The following OTOP1 variants were observed in gnomAD, a reference collection of about 807,000 sequenced individuals.
The protein encoded by OTOP1 is otopetrin 1.
A neutral mutation model predicts 52.9 loss-of-function variants in OTOP1; 59 were observed. That is an observed-to-expected ratio of 1.12 (90% confidence interval 0.91 to 1.39). The LOEUF is 1.39. Ranked by LOEUF, OTOP1 falls within the 40% of genes most tolerant of loss-of-function variation. The pLI, the probability that OTOP1 is intolerant of heterozygous loss-of-function variation, is 0.00. For missense variants in OTOP1, 761 were observed against 800.9 expected, an observed-to-expected ratio of 0.95 and a Z score of 0.60; for synonymous variants, 317 against 337.7, an observed-to-expected ratio of 0.94 and a Z score of 0.67.
At chr4:4,225,917 G>T (rs1237488904) in intron 1 of OTOP1, among the ~76,000 whole-genome samples, 1 of 152,198 alleles carries the variant, frequency 6.6e-6, no homozygotes, top group East Asian at 1.9e-4. Flanking sequence ...GGGGAGAATG[G>T]GGTGAGGCCT....
At chr4:4,223,654 C>T (rs1258467803) in intron 1 of OTOP1, among the ~76,000 whole-genome samples, 1 of 152,110 alleles carries the variant, frequency 6.6e-6, no homozygotes, top group African/African-American at 2.4e-5. Context: ...AATCTCAGCA[C>T]TTTGGGAGGC....
chr4:4,192,474 A>G (rs1006334532), intron 5 of OTOP1, among the ~76,000 whole-genome samples: 1 of 152,258 alleles, frequency 6.6e-6, no homozygotes, highest in Non-Finnish European at 1.5e-5. Flanking sequence ...TGCTTTTGTC[A>G]TACATTTGGG....
chr4:4,226,525 T>G lies in OTOP1; in HGVS notation c.340A>C (p.Ser114Arg), dbSNP rs759902158. ...LLWMLWYVGR[S>R]SAHRRLFRLK... ...CGGAAGAGGCGGCGGTGCGCGGAGC[T>G]GCGGCCCACGTACCACAGCATCCAC... Residue 114 changes from serine (S) to arginine (R), a missense_variant, in exon 1 of 6, where the codon AGC becomes CGC. Ser to Arg is a moderately radical substitution (Grantham distance 110, BLOSUM62 -1). Transcript: ENST00000296358. The G allele has an allele frequency of 1.4e-5, 23 of 1,596,874 alleles. No homozygotes were observed. The highest frequency in any genetic ancestry group is 5.0e-5 in the Admixed American group (3 of 59,428).
chr4:4,222,882 G>C (rs946835792), intron 1 of OTOP1, among the ~76,000 whole-genome samples: 7 of 152,160 alleles, frequency 4.6e-5, no homozygotes, highest in Admixed American at 3.9e-4. Context: ...TTAGCTTCTT[G>C]CTTCTTTGAG....
chr4:4,214,511 T>C (rs34634401), intron 1 of OTOP1, among the ~76,000 whole-genome samples: 49,769 of 151,990 alleles, frequency 0.33, 8,357 homozygotes, highest in South Asian at 0.46. Context: ...CTCCTGTTCA[T>C]AGCAGCATTA....
chr4:4,223,738 A>G (rs1420203816), intron 1 of OTOP1, among the ~76,000 whole-genome samples: 1 of 151,674 alleles, frequency 6.6e-6, no homozygotes, highest in Non-Finnish European at 1.5e-5. Flanking sequence ...TGTCTCTACT[A>G]AAAAATACAA....
At chr4:4,220,498 G>A (rs376105705) in intron 1 of OTOP1, among the ~76,000 whole-genome samples, 1 of 152,256 alleles carries the variant, frequency 6.6e-6, no homozygotes, top group Admixed American at 6.5e-5. Context: ...ATTAGTTGAT[G>A]ACCTTGGGCA....
At chr4:4,219,742 A>C (rs545217720) in intron 1 of OTOP1, among the ~76,000 whole-genome samples, 1 of 150,746 alleles carries the variant, frequency 6.6e-6, no homozygotes, top group African/African-American at 2.4e-5. Flanking sequence ...TAACAGCCAC[A>C]TGTGTGCCCA....
At chr4:4,190,996 G>T (rs1560203889) in intron 5 of OTOP1, among the ~76,000 whole-genome samples, 2 of 152,082 alleles carry the variant, frequency 1.3e-5, no homozygotes, top group African/African-American at 4.8e-5. Flanking sequence ...CTCCAGCCTG[G>T]ACCACATCCA....
chr4:4,216,772 G>A (rs779769884), intron 1 of OTOP1, among the ~76,000 whole-genome samples: 1 of 152,202 alleles, frequency 6.6e-6, no homozygotes, highest in Non-Finnish European at 1.5e-5. Context: ...CAAGAGCACA[G>A]GCATGAAACT....
At chr4:4,203,388 A>C (rs968227660) in intron 3 of OTOP1, among the ~76,000 whole-genome samples, 1 of 152,218 alleles carries the variant, frequency 6.6e-6, no homozygotes, top group Non-Finnish European at 1.5e-5. Flanking sequence ...GGAGATCCAG[A>C]TAGACTCAAG....
intron 1 of OTOP1, among the ~76,000 whole-genome samples, chr4:4,223,992 G>C (rs1717363113): frequency 6.6e-6 from 1 of 151,706 alleles, no homozygotes; most frequent in Admixed American, 6.6e-5. Flanking sequence ...GAGAAGGATG[G>C]AGGAAGGAAG....
intron 1 of OTOP1, among the ~76,000 whole-genome samples, chr4:4,221,487 A>G (rs1309954362): frequency 6.6e-6 from 1 of 151,940 alleles, no homozygotes; most frequent in Non-Finnish European, 1.5e-5. Flanking sequence ...TCCTCCCTGA[A>G]CCTCTCAGCC....
chr4:4,191,090 T>A (rs2108794267), intron 5 of OTOP1, among the ~76,000 whole-genome samples: 2 of 152,262 alleles, frequency 1.3e-5, no homozygotes, highest in South Asian at 4.2e-4. Context: ...CATTTCTCTA[T>A]CTGCTCAGCT....
At chr4:4,190,406 G>A (rs766632017) in intron 5 of OTOP1, among the ~76,000 whole-genome samples, 7 of 152,130 alleles carry the variant, frequency 4.6e-5, no homozygotes, top group Admixed American at 2.0e-4. Flanking sequence ...CCCGGGAGGC[G>A]AAGCTTGCAG....
At chr4:4,193,324 C>T (rs945966642) in intron 5 of OTOP1, among the ~76,000 whole-genome samples, 1 of 152,168 alleles carries the variant, frequency 6.6e-6, no homozygotes, top group Non-Finnish European at 1.5e-5. Flanking sequence ...TGACCCATCT[C>T]CCACAGCACC....
In OTOP1 at chr4:4,188,775, T is replaced by C; in HGVS notation, c.*28A>G. The C allele has an allele frequency of 6.4e-7, 1 of 1,569,424 alleles. No homozygotes were observed. The highest frequency in any genetic ancestry group is 8.6e-7 in the Non-Finnish European group (1 of 1,158,568). ...TTGGCTCCAATGAACTCTTGTTAGC[T>C]CACTCCTAGGTCTCTTGTGGACCCA... On this transcript the variant is annotated 3_prime_UTR_variant, in exon 6 of 6. Transcript: ENST00000296358.
chr4:4,209,889 A>G (rs1314846126), intron 2 of OTOP1, among the ~76,000 whole-genome samples: 1 of 152,104 alleles, frequency 6.6e-6, no homozygotes, highest in Non-Finnish European at 1.5e-5. Context: ...AAGACTGCAC[A>G]TCCCAAAGAC....
rs560452507 is a variant in OTOP1, at chr4:4,198,295, A to G, written c.731-192T>C. 1.5e-4 allele frequency among the ~76,000 whole-genome samples: 23 copies of G among 152,328 alleles called. 1 individual carries two copies. In the East Asian group the frequency reaches 4.4e-3, roughly 29 times the overall value. ...TGATAGCCCTGAGTATCCCCAAAGC[A>G]TATTCATTACCTAAATCACATTCAT... is the stretch of plus-strand genomic sequence containing the variant. On this transcript the variant is annotated intron_variant, in intron 4 of 5. Transcript: ENST00000296358.
Sources: allele counts gnomAD v4.1 joint callset (sites outside exome capture counted in the v4.1 genomes callset), GRCh38; gene constraint gnomAD v4.1.1; transcripts MANE v1.5; gene names NCBI Gene and HGNC (gene_info 2026-07-23, HGNC 2026-07-21).